ADAMTS7: variants seen among roughly 807,000 people sequenced by gnomAD.
ADAMTS7 encodes A disintegrin and metalloproteinase with thrombospondin motifs 7.
ADAMTS7 carries 89 observed loss-of-function variants against 172.6 expected under a neutral mutation model. The ratio of observed to expected loss-of-function variants is 0.52; its 90% CI spans 0.43 to 0.61. The LOEUF (loss-of-function observed/expected upper bound fraction) is 0.61. ADAMTS7 is among the 20% of genes least tolerant of loss of function. The pLI, the probability that ADAMTS7 is intolerant of heterozygous loss-of-function variation, is 0.00. For missense variants in ADAMTS7, 1,973 were observed against 2,355.6 expected, an observed-to-expected ratio of 0.84 and a Z score of 3.36; for synonymous variants, 885 against 978.4, an observed-to-expected ratio of 0.90 and a Z score of 1.78.
intron 11 of ADAMTS7, among the ~76,000 whole-genome samples, chr15:78,775,939 C>A (rs1259406446): frequency 6.6e-6 from 1 of 152,230 alleles, no homozygotes; most frequent in African/African-American, 2.4e-5. Flanking sequence ...TGCCATGTGG[C>A]CTCTGATGAG....
At chr15:78,791,840 G>A (rs962214062) in intron 4 of ADAMTS7, among the ~76,000 whole-genome samples, 1 of 152,178 alleles carries the variant, frequency 6.6e-6, no homozygotes, top group Non-Finnish European at 1.5e-5. Flanking sequence ...TCTATCAGAG[G>A]CCCCATGGCT....
rs555636839 is a variant in ADAMTS7, at chr15:78,766,212, G to A, written c.3699C>T (p.Pro1233=). The A allele has an allele frequency of 5.3e-5, 86 of 1,611,908 alleles. 2 individuals carry two copies. The South Asian group carries it at 8.9e-4, about 17-fold the overall frequency. Residue 1233 remains proline (P), a synonymous_variant, in exon 19 of 24, where the codon CCC becomes CCT. Transcript: ENST00000388820. ...EPKGRGAPHL[P]PRPSSTLPPL... ...GGGGCAGCGTGGAGCTGGGTCTCGG[G>A]GGCAGGTGGGGTGCTCCTCGGCCCT... is the stretch of plus-strand genomic sequence containing the variant.
intron 8 of ADAMTS7, among the ~76,000 whole-genome samples, chr15:78,784,054 A>C (rs1182719617): frequency 6.6e-6 from 1 of 152,286 alleles, no homozygotes; most frequent in East Asian, 1.9e-4. Flanking sequence ...AAGTATAGAT[A>C]AATCAGATGC....
rs532088573 is a variant in ADAMTS7 at position 78,776,748 on chromosome 15, C to A, written c.1560+1G>T. On this transcript the variant is annotated splice_donor_variant, in intron 10 of 23. Coordinates refer to ENST00000388820, the MANE Select transcript of ADAMTS7 (RefSeq NM_014272.5). LOFTEE classifies it high-confidence loss of function. ...CTGCCGGGACTGGGGACATCCCCTACCTTATTCTCCCCACACCGGGTGCCG... is the reference window on the plus strand; with the variant it reads ...CTGCCGGGACTGGGGACATCCCCTAACTTATTCTCCCCACACCGGGTGCCG... 1.6e-5 allele frequency: 25 copies of A among 1,550,032 alleles called. No individual in the cohort carries two copies. The highest frequency in any genetic ancestry group is 1.2e-4 in the Admixed American group (6 of 50,980).
chr15:78,793,827 G>A (rs535948480), intron 4 of ADAMTS7, among the ~76,000 whole-genome samples: 11 of 152,254 alleles, frequency 7.2e-5, no homozygotes, highest in Non-Finnish European at 8.8e-5. Flanking sequence ...CCCTCTCCAG[G>A]GCAGGTTAAG....
chr15:78,788,526 C>T (rs1212287295), intron 7 of ADAMTS7, 152 bp from the exon 8 acceptor site: 9 of 887,828 alleles, frequency 1.0e-5, no homozygotes, highest in Admixed American at 2.7e-5. Context: ...AAGTCACATT[C>T]CCCTCTCTGA....
chr15:78,794,149 G>C (rs562207484), intron 4 of ADAMTS7, among the ~76,000 whole-genome samples: 1 of 152,328 alleles, frequency 6.6e-6, no homozygotes, highest in South Asian at 2.1e-4. Context: ...TGAGGCAGGA[G>C]AATCACTTGA....
chr15:78,798,731 AGGGAG>A (rs1309102466), intron 2 of ADAMTS7, among the ~76,000 whole-genome samples: 2 of 152,182 alleles, frequency 1.3e-5, no homozygotes, highest in African/African-American at 2.4e-5. Context: ...TTCAGAGTCC[AGGGAG>A]GGGAGGGGCC....
chr15:78,778,099 A>G (rs1393661630), intron 8 of ADAMTS7, among the ~76,000 whole-genome samples: 2 of 152,112 alleles, frequency 1.3e-5, no homozygotes, highest in African/African-American at 2.4e-5. Flanking sequence ...CAGGGCAACC[A>G]TGCCTGTCCC....
chr15:78,767,109 T>C (rs1486251353), intron 18 of ADAMTS7, 58 bp from the exon 19 acceptor site: 1 of 1,491,560 alleles, frequency 6.7e-7, no homozygotes, highest in Admixed American at 2.3e-5. Context: ...CAGGGGACGC[T>C]GGGGCAAGGC....
rs769609028 is a variant in ADAMTS7 at position 78,766,715 on chromosome 15, C to T, written c.3196G>A (p.Asp1066Asn). 3.6e-5 allele frequency: 58 copies of T among 1,610,734 alleles called. No homozygotes were observed. The highest frequency in any genetic ancestry group is 6.7e-5 in the Admixed American group (4 of 59,994). Residue 1066 changes from aspartate to asparagine, a missense_variant, in exon 19 of 24, where the codon GAC becomes AAC. Asp to Asn is a conservative substitution (Grantham distance 23). Transcript: ENST00000388820. Reference sequence around the variant, plus strand: ...TCGTGGAAATTGATGAAATTGTAGTCGTAGTAGAAGTCGTCCACAAACACG... The same window carrying T: ...TCGTGGAAATTGATGAAATTGTAGTTGTAGTAGAAGTCGTCCACAAACACG... ...GPVFVDDFYY[D>N]YNFINFHEDL...
intron 10 of ADAMTS7, 184 bp from the exon 11 acceptor site, chr15:78,776,517 G>C (rs2141490563): frequency 1.0e-6 from 1 of 966,000 alleles, no homozygotes; most frequent in Non-Finnish European, 1.5e-6. Flanking sequence ...GAGCTGAGCG[G>C]GGAGTAAAAC....
intron 10 of ADAMTS7, 41 bp from the exon 11 acceptor site, chr15:78,776,374 T>A: frequency 1.0e-5 from 16 of 1,593,216 alleles, no homozygotes; most frequent in Non-Finnish European, 1.4e-5. Context: ...CACCCCCAAG[T>A]CTATCAGTCA....
In ADAMTS7 at chr15:78,788,251, C is replaced by T. The variant is rs2055532756; in HGVS notation, c.1302G>A (p.Gln434=). The T allele has an allele frequency of 6.2e-7, 1 of 1,613,662 alleles. No individual in the cohort carries two copies. The part of the protein sequence containing the change: ...APLTWSRCSR[Q]YITRFLDRGW... ...CTTACTCAAGGAACCTGGTGATATA[C>T]TGGCGGCTGCAGCGGGACCAGGTGA... The change falls in exon 8 of 24, where the codon CAG becomes CAA. Residue 434 remains glutamine (Q), a synonymous_variant. Transcript: ENST00000388820.
At chr15:78,780,070 G>C (rs1239471673) in intron 8 of ADAMTS7, among the ~76,000 whole-genome samples, 2 of 145,706 alleles carry the variant, frequency 1.4e-5, no homozygotes, top group East Asian at 4.0e-4. Context: ...ATCTACAAGA[G>C]GCTGATCCCA....
At position 78,800,403 on chromosome 15, in the gene ADAMTS7, T is replaced by C; in HGVS notation, c.245A>G (p.Tyr82Cys). The C allele has an allele frequency of 6.8e-6, 11 of 1,609,130 alleles. No individual in the cohort carries two copies. Among genetic ancestry groups the C allele is most frequent in the Non-Finnish European group, 9.3e-6 (11 of 1,178,124 alleles). ...VSVRRDAPAF[Y>C]ELQYRGRELR... The stretch of plus-strand genomic sequence containing the variant: ...CTCGCGCCCGCGGTATTGTAGCTCG[T>C]AGAAGGCGGGCGCGTCTCGGCGCAC... The change falls in exon 2 of 24, where the codon TAC (tyrosine) becomes TGC (cysteine). Residue 82 changes from tyrosine (Y) to cysteine (C), a missense_variant. Transcript: ENST00000388820.
intron 8 of ADAMTS7, among the ~76,000 whole-genome samples, chr15:78,783,072 G>A (rs2055453482): frequency 1.3e-5 from 2 of 152,206 alleles, no homozygotes; most frequent in South Asian, 4.1e-4. Context: ...CCCAGGAAAA[G>A]CCTAGAGGAT....
chr15:78,769,186 C>T (rs2055207871), intron 16 of ADAMTS7, among the ~76,000 whole-genome samples: 1 of 152,212 alleles, frequency 6.6e-6, no homozygotes, highest in African/African-American at 2.4e-5. Flanking sequence ...CCTTCACACC[C>T]TCTGTCACTG....
Position 78,771,437 on chromosome 15 carries a change from T to G in ADAMTS7, c.2377-134A>C, listed in dbSNP as rs556216404. On this transcript the variant is annotated intron_variant, in intron 15 of 23. Transcript: ENST00000388820. This position sits in a 1 kb window ranked among gnomAD's most constrained non-coding sequence, Gnocchi z 4.9. ...CATTTTAAAGATGGGGAAACTGAGG[T>G]AGAGGCCGCAGCAGGAGGGCCTGGC... 6.0e-5 allele frequency: 92 copies of G among 1,540,278 alleles called. No individual in the cohort carries two copies. In the African/African-American group the frequency reaches 1.2e-3, roughly 20 times the overall value.
Sources: allele counts gnomAD v4.1 joint callset (sites outside exome capture counted in the v4.1 genomes callset), GRCh38; gene constraint gnomAD v4.1.1; non-coding constraint Gnocchi (gnomAD v3.1); transcripts MANE v1.5; gene names NCBI Gene and HGNC (gene_info 2026-07-23, HGNC 2026-07-21).